The following TSPAN16 variants were observed in gnomAD, a reference collection of about 807,000 sequenced individuals.
TSPAN16 encodes the protein tetraspanin-16.
TSPAN16 carries 23 observed loss-of-function variants against 25.2 expected under a neutral mutation model. The ratio of observed to expected loss-of-function variants is 0.91; its 90% CI spans 0.66 to 1.29. The LOEUF (loss-of-function observed/expected upper bound fraction) is 1.29, where lower values mean the gene tolerates loss of function less well. Among genes scored for constraint, TSPAN16 ranks in the 50% most tolerant of loss-of-function variants. TSPAN16 has a pLI of 0.00. For missense variants in TSPAN16, 272 were observed against 299.9 expected (o/e 0.91, Z 0.69); for synonymous variants, 123 against 124.4 (o/e 0.99, Z 0.08).
At chr19:11,300,955 T>C (rs2080539118) in intron 3 of TSPAN16, 1 of 383,226 alleles carries the variant, frequency 2.6e-6, no homozygotes, top group Non-Finnish European at 4.9e-6. Flanking sequence ...CAAATTCGTG[T>C]GCGATGGGTA....
chr19:11,301,115 T>G (rs2080542239), intron 3 of TSPAN16, 86 bp from the exon 4 acceptor site: 1 of 1,133,154 alleles, frequency 8.8e-7, no homozygotes. Flanking sequence ...CGCTCCCACC[T>G]CCCACTCTAT....
chr19:11,320,637 C>A (rs1309306599), downstream of TSPAN16, among the ~76,000 whole-genome samples: 1 of 149,000 alleles, frequency 6.7e-6, no homozygotes, highest in Non-Finnish European at 1.5e-5. Flanking sequence ...TGTGCCACTG[C>A]ACTCCAGCCA....
intron 1 of TSPAN16, among the ~76,000 whole-genome samples, chr19:11,296,863 C>G (rs1211063322): frequency 6.6e-6 from 1 of 151,820 alleles, no homozygotes; most frequent in African/African-American, 2.4e-5. Context: ...TATGGGGAAA[C>G]CCCATCTCTA....
chr19:11,298,213 CG>C lies in TSPAN16; in HGVS notation c.144del (p.Leu49CysfsTer15), dbSNP rs746498019. On this transcript the variant is annotated frameshift_variant, in exon 2 of 7. Coordinates refer to ENST00000590327, the MANE Select transcript of TSPAN16 (RefSeq NM_001282509.2). LOFTEE classifies it high-confidence loss of function. ...GAGGGGCCTCTCTGACGAATGTCCTCGGGCTGTCCTCCGCATACCTCCTTCA... is the reference window on the plus strand; with the variant it reads ...GAGGGGCCTCTCTGACGAATGTCCTCGGCTGTCCTCCGCATACCTCCTTCA... ...CGGASLTNVLGLSSAYLLHVG... is the reference protein window; with the variant it reads ...CGGASLTNVLXLSSAYLLHVG... 6.2e-7 allele frequency: 1 copy of C among 1,614,146 alleles called. No individual in the cohort carries two copies. The highest frequency in any genetic ancestry group is 8.5e-7 in the Non-Finnish European group (1 of 1,180,022).
chr19:11,306,286 C>T (rs1054291777), intron 4 of TSPAN16, among the ~76,000 whole-genome samples: 4 of 151,860 alleles, frequency 2.6e-5, no homozygotes, highest in African/African-American at 7.3e-5. Context: ...CTTGATCTCC[C>T]GGGCTCAAGA....
chr19:11,307,046 G>A (rs534157202), intron 5 of TSPAN16, among the ~76,000 whole-genome samples: 18 of 151,914 alleles, frequency 1.2e-4, no homozygotes, highest in Non-Finnish European at 2.5e-4. Flanking sequence ...AACCTCAGGT[G>A]ATCCACCCAC....
rs751543333 is a variant in TSPAN16 at position 11,298,336 on chromosome 19, G to A, written c.264G>A (p.Leu88=). 6.2e-7 allele frequency: 1 copy of A among 1,613,558 alleles called. No individual in the cohort carries two copies. Among genetic ancestry groups the A allele is most frequent in the Non-Finnish European group, 8.5e-7 (1 of 1,179,938 alleles). The change falls in exon 2 of 7, where the codon TTG becomes TTA. Residue 88 remains leucine (L), a synonymous_variant. Transcript: ENST00000590327. The part of the protein sequence containing the change: ...GATKESRGTL[L]FCILSMVIVL... ...CTAAAGAGAGCAGAGGCACGCTCTT[G>A]TTTGTAAGTTGGATCTGCACACAGA...
Position 11,306,717 on chromosome 19 carries a change from T to C in TSPAN16, c.564T>C (p.Cys188=). The C allele has an allele frequency of 6.2e-7, 1 of 1,614,134 alleles. No homozygotes were observed. Among genetic ancestry groups the C allele is most frequent in the South Asian group, 1.1e-5 (1 of 91,074 alleles). The change falls in exon 5 of 7, where the codon TGT becomes TGC. Residue 188 remains cysteine (C), a synonymous_variant. Transcript: ENST00000590327. The stretch of plus-strand genomic sequence containing the variant: ...GTAAATCCATCGGAAGTGTGTCCTG[T>C]GACGGACGCGATGTGTCTCCAAACG... ...SCCKSIGSVS[C]DGRDVSPNVI...
chr19:11,320,138 T>TTTTTTTTTTTTTTTA (rs2080769662), downstream of TSPAN16, among the ~76,000 whole-genome samples: 5 of 149,048 alleles, frequency 3.4e-5, no homozygotes, highest in Admixed American at 6.7e-5. Context: ...TTTTTTTTTT[T>TTTTTTTTTTTTTTTA]GAGACGGAGT....
chr19:11,314,249 G>A (rs1189557176), intron 6 of TSPAN16, among the ~76,000 whole-genome samples: 5 of 152,266 alleles, frequency 3.3e-5, no homozygotes, highest in South Asian at 2.1e-4. Flanking sequence ...TGATGAAAAT[G>A]TTCTTAAGTT....
chr19:11,318,029 T>G (rs1462712908), downstream of TSPAN16, among the ~76,000 whole-genome samples: 1 of 151,890 alleles, frequency 6.6e-6, no homozygotes, highest in East Asian at 1.9e-4. Context: ...TCTTTTATTA[T>G]TATTATTATT....
chr19:11,321,205 A>C (rs545665377), intron 6 of TSPAN16: 1 of 152,110 alleles, frequency 6.6e-6, no homozygotes, highest in South Asian at 2.1e-4. Context: ...AAAAAACATA[A>C]GAGGTTTAAT....
At chr19:11,321,350 A>G (rs1345631082) in intron 6 of TSPAN16, 1 of 152,236 alleles carries the variant, frequency 6.6e-6, no homozygotes, top group Non-Finnish European at 1.5e-5. Flanking sequence ...AGAATCCCTT[A>G]TAAAACCATC....
At chr19:11,316,008 A>G, downstream of TSPAN16, 1 of 1,196,388 alleles carries the variant, frequency 8.4e-7, no homozygotes. Context: ...CATTTTTGGC[A>G]ATGATTTTAC....
Position 11,306,956 on chromosome 19 carries a change from C to G in TSPAN16, c.603+200C>G. 4 of 515,146 alleles carry G rather than the reference C, an allele frequency of 7.8e-6. No individual in the cohort carries two copies. In the South Asian group the frequency reaches 9.5e-5, roughly 12 times the overall value. 31.9% of individuals were successfully genotyped at this position (515,146 alleles called of 1,614,324 possible). ...CCAGCCTCCCAAGTAGCTGGGATCA[C>G]AGGCATGCACCGCCACACCCGGCTA... On this transcript the variant is annotated intron_variant, in intron 5 of 6. Coordinates refer to ENST00000590327, the MANE Select transcript of TSPAN16 (RefSeq NM_001282509.2).
intron 4 of TSPAN16, among the ~76,000 whole-genome samples, chr19:11,303,655 G>T (rs1444546272): frequency 6.6e-6 from 1 of 150,976 alleles, no homozygotes; most frequent in Non-Finnish European, 1.5e-5. Flanking sequence ...GATTACAGGG[G>T]TAGCCACCAC....
intron 3 of TSPAN16, among the ~76,000 whole-genome samples, chr19:11,299,985 GAAAAA>G (rs60293071): frequency 1.9e-5 from 2 of 107,762 alleles, no homozygotes; most frequent in African/African-American, 5.8e-5. Flanking sequence ...CTCAAAAAAA[GAAAAA>G]AAAAAAAAAA....
chr19:11,318,022 TTTA>T (rs908770082), downstream of TSPAN16, among the ~76,000 whole-genome samples: 10 of 151,562 alleles, frequency 6.6e-5, no homozygotes, highest in African/African-American at 2.4e-4. Context: ...ATCCTGATCT[TTTA>T]TTATTATTAT....
At chr19:11,303,671 C>T (rs2080595037) in intron 4 of TSPAN16, among the ~76,000 whole-genome samples, 1 of 150,102 alleles carries the variant, frequency 6.7e-6, no homozygotes, top group Non-Finnish European at 1.5e-5. Context: ...ACCACACTGG[C>T]CTACGTTTTT....
Sources: gnomAD v4.1 joint callset for allele counts (sites outside exome capture counted in the v4.1 genomes callset) on GRCh38, gnomAD v4.1.1 for gene constraint, MANE v1.5 for transcripts, NCBI Gene and HGNC (gene_info 2026-07-23, HGNC 2026-07-21) for gene names.